Variants in TNRC6A observed in about 807,000 individuals in gnomAD.
TNRC6A encodes the protein trinucleotide repeat containing adaptor 6A.
Under a neutral mutation model 221.2 loss-of-function variants are expected in TNRC6A, and 44 were observed. The observed-to-expected ratio is 0.20, with a 90% CI of 0.16 to 0.26. The LOEUF is 0.26. Ranked by LOEUF, TNRC6A falls within the 10% of genes least tolerant of loss-of-function variation. The probability of loss-of-function intolerance (pLI) is 1.00; values close to 1 mark genes in which losing one functional copy is unlikely to be tolerated. For missense variants in TNRC6A, 2,199 were observed against 2,404.4 expected (o/e 0.91, Z 1.79); for synonymous variants, 847 against 838.5 (o/e 1.01, Z -0.18).
At chr16:24,713,791 T>G (rs2056257246) in intron 2 of TNRC6A, among the ~76,000 whole-genome samples, 1 of 152,004 alleles carries the variant, frequency 6.6e-6, no homozygotes, top group Admixed American at 6.6e-5. Flanking sequence ...GGACTACAGG[T>G]GTGTGCTACA....
chr16:24,710,406 A>C lies in TNRC6A; in HGVS notation n.403-40320A>C, dbSNP rs566290072. On this transcript the variant is annotated intron_variant and non_coding_transcript_variant, in intron 2 of 2. Coordinates refer to the TNRC6A transcript ENST00000566108. Reference sequence around the variant, plus strand: ...GAGGATCACTGGAGCCCAGGAGTTCAAGACCAGCCTGGGCAACATAGAAAG... The same window carrying C: ...GAGGATCACTGGAGCCCAGGAGTTCCAGACCAGCCTGGGCAACATAGAAAG... Among the ~76,000 whole-genome samples the C allele has an allele frequency of 9.2e-5, 14 of 151,872 alleles. No individual in the cohort carries two copies. In the East Asian group the frequency reaches 2.1e-3, roughly 23 times the overall value.
In TNRC6A at chr16:24,758,342, A is replaced by G. The variant is rs781427692; in HGVS notation, c.145A>G (p.Thr49Ala). The part of the protein sequence containing the change: ...KKKEAAQKKA[T>A]EQKIKVPEQI... The stretch of plus-strand genomic sequence containing the variant: ...TGTTTGTTTGTTTTTATTTTAGGCC[A>G]CTGAACAAAAAATCAAAGGTACGTT... Residue 49 changes from threonine to alanine, a missense_variant, in exon 4 of 25, where the codon ACT becomes GCT. Transcript: ENST00000395799. 9.3e-6 allele frequency: 15 copies of G among 1,609,540 alleles called. No individual in the cohort carries two copies. Among genetic ancestry groups the G allele is most frequent in the Non-Finnish European group, 1.2e-5 (14 of 1,176,590 alleles).
intron 2 of TNRC6A, among the ~76,000 whole-genome samples, chr16:24,660,817 C>T (rs1328509717): frequency 1.4e-5 from 2 of 142,934 alleles, no homozygotes; most frequent in African/African-American, 2.6e-5. Flanking sequence ...TCTCGGCTCA[C>T]TGCAAGCTCC....
At position 24,668,967 on chromosome 16, in the gene TNRC6A, T is replaced by C. The variant is rs1256485764; in HGVS notation, n.402+27958T>C. Among the ~76,000 whole-genome samples, 3 of 152,192 alleles carry C rather than the reference T, an allele frequency of 2.0e-5. No individual in the cohort carries two copies. In the East Asian group the frequency reaches 5.8e-4, roughly 29 times the overall value. Reference sequence around the variant, plus strand: ...GAATGCGACGACACAATTAGTCTCGTTGTTTTTATTTTTATGGGTTTTTTT... The same window carrying C: ...GAATGCGACGACACAATTAGTCTCGCTGTTTTTATTTTTATGGGTTTTTTT... On this transcript the variant is annotated intron_variant and non_coding_transcript_variant, in intron 2 of 2. Coordinates refer to the TNRC6A transcript ENST00000566108.
At chr16:24,760,144 T>C (rs1435468681) in intron 4 of TNRC6A, among the ~76,000 whole-genome samples, 1 of 152,132 alleles carries the variant, frequency 6.6e-6, no homozygotes, top group Admixed American at 6.5e-5. Flanking sequence ...TCTTGTTTCT[T>C]TTTTATTCAA....
chr16:24,823,720 C>T lies in TNRC6A; in HGVS notation c.5802C>T (p.Ser1934=). The part of the protein sequence containing the change: ...YSTSLWGPPS[S]SDPRGISSPS... The stretch of plus-strand genomic sequence containing the variant: ...CAAGCCTGTGGGGTCCCCCAAGCAG[C>T]AGCGACCCCCGAGGAATTAGCAGCC... The change falls in exon 25 of 25, where the codon AGC becomes AGT. Residue 1934 remains serine, a synonymous_variant. Transcript: ENST00000395799. The surrounding 1 kb of genome is among the most constrained non-coding windows in gnomAD (Gnocchi z 4.3). The T allele has an allele frequency of 6.4e-7, 1 of 1,552,194 alleles. No homozygotes were observed. Among genetic ancestry groups the T allele is most frequent in the Non-Finnish European group, 8.7e-7 (1 of 1,150,656 alleles).
At chr16:24,748,354 G>T (rs1292796998) in intron 2 of TNRC6A, among the ~76,000 whole-genome samples, 1 of 152,132 alleles carries the variant, frequency 6.6e-6, no homozygotes, top group Non-Finnish European at 1.5e-5. Context: ...GCTCTCATAT[G>T]CTGTGGCTTT....
rs762814456 is a variant in TNRC6A, at chr16:24,821,927, C to T, written c.5303-150C>T. 5.5e-5 allele frequency: 39 copies of T among 708,740 alleles called. No individual in the cohort carries two copies. The Admixed American group carries it at 7.8e-4, about 14-fold the overall frequency. The allele number at this position is 708,740 out of a possible 1,614,324, so 43.9% of individuals were successfully genotyped here. A position where few individuals can be genotyped will look rare whatever the true frequency, so the allele number is the denominator to read the frequency against. On this transcript the variant is annotated intron_variant, in intron 22 of 24. Transcript: ENST00000395799. ...AGTTAATGCCTGGCCATGGCTAGGG[C>T]GAGCTGAAATTCTGGGCCTAGGGAG...
In TNRC6A at chr16:24,793,549, C is replaced by A. The variant is rs2058155887; in HGVS notation, c.3252C>A (p.Pro1084=). The stretch of plus-strand genomic sequence containing the variant: ...ATGGTACTTCAGCATGGGGTAAGCC[C>A]ATAGACAGTGGTCCCAGCTGGGGGG... The part of the protein sequence containing the change: ...VDNGTSAWGK[P]IDSGPSWGEP... The change falls in exon 7 of 25, where the codon CCC becomes CCA. Residue 1084 remains proline, a synonymous_variant. Coordinates refer to ENST00000395799, the MANE Select transcript of TNRC6A (RefSeq NM_014494.4). 1.3e-6 allele frequency: 2 copies of A among 1,575,082 alleles called. No individual in the cohort carries two copies. Among genetic ancestry groups the A allele is most frequent in the Non-Finnish European group, 1.7e-6 (2 of 1,159,900 alleles).
chr16:24,809,615 A>G, intron 18 of TNRC6A, 134 bp downstream of exon 18: 1 of 1,166,240 alleles, frequency 8.6e-7, no homozygotes, highest in Non-Finnish European at 1.1e-6. Flanking sequence ...ATTTAAAAAA[A>G]GTTGTTATTA....
At chr16:24,821,016 G>A (rs2058755803) in intron 22 of TNRC6A, among the ~76,000 whole-genome samples, 1 of 152,164 alleles carries the variant, frequency 6.6e-6, no homozygotes, top group South Asian at 2.1e-4. Context: ...CTGAAAATGA[G>A]TAATAAAACC....
chr16:24,654,092 T>C (rs886967346), intron 2 of TNRC6A, among the ~76,000 whole-genome samples: 2 of 152,102 alleles, frequency 1.3e-5, no homozygotes, highest in African/African-American at 4.8e-5. Flanking sequence ...TTTGCAGAGA[T>C]GGGGTCTCAA....
At chr16:24,771,559 GTT>G (rs10534533) in intron 4 of TNRC6A, among the ~76,000 whole-genome samples, 642 of 36,610 alleles carry the variant, frequency 0.018, 6 homozygotes, top group Middle Eastern at 0.041. Flanking sequence ...GTTATGTTAT[GTT>G]TTATGTTATG....
intron 2 of TNRC6A, among the ~76,000 whole-genome samples, chr16:24,664,667 TTTA>T (rs200953454): frequency 0.026 from 3,743 of 142,300 alleles, 125 homozygotes; most frequent in East Asian, 0.13. Flanking sequence ...AAATTTATTA[TTTA>T]TTATTTATTA....
chr16:24,620,722 CA>C (rs1401421023), intron 1 of TNRC6A, among the ~76,000 whole-genome samples: 9 of 152,028 alleles, frequency 5.9e-5, no homozygotes, highest in Non-Finnish European at 1.3e-4. Context: ...ACAGGATAAT[CA>C]CTTGAACCGG....
chr16:24,793,409 C>T (rs2058152141), intron 6 of TNRC6A, 64 bp from the exon 7 acceptor site: 1 of 1,261,990 alleles, frequency 7.9e-7, no homozygotes, highest in Admixed American at 3.0e-5. Flanking sequence ...TCTTTATTGT[C>T]CCTTATTCCA....
At chr16:24,758,177 T>C (rs2057290894) in intron 3 of TNRC6A, among the ~76,000 whole-genome samples, 162 bp from the exon 4 acceptor site, 1 of 152,218 alleles carries the variant, frequency 6.6e-6, no homozygotes, top group African/African-American at 2.4e-5. Context: ...AAAAGCATGC[T>C]TTCCTTGCAT....
chr16:24,792,169 A>G (rs1389888072), intron 6 of TNRC6A, among the ~76,000 whole-genome samples: 1 of 152,212 alleles, frequency 6.6e-6, no homozygotes, highest in Non-Finnish European at 1.5e-5. Flanking sequence ...CAAGTATCTC[A>G]TAAATACAGT....
At position 24,805,751 on chromosome 16, in the gene TNRC6A, C is replaced by T; in HGVS notation, c.4251+18C>T. The T allele has an allele frequency of 6.2e-7, 1 of 1,614,084 alleles. No homozygotes were observed. The highest frequency in any genetic ancestry group is 8.5e-7 in the Non-Finnish European group (1 of 1,179,962). On this transcript the variant is annotated intron_variant, in intron 15 of 24. Transcript: ENST00000395799. Reference sequence around the variant, plus strand: ...AGTTACAGGTAAGCAGAGTCATAGTCTTTCTTAGTACACATTTATGGAGCA... The same window carrying T: ...AGTTACAGGTAAGCAGAGTCATAGTTTTTCTTAGTACACATTTATGGAGCA...
Sources: gnomAD v4.1 joint callset for allele counts (sites outside exome capture counted in the v4.1 genomes callset) on GRCh38, gnomAD v4.1.1 for gene constraint, Gnocchi (gnomAD v3.1) non-coding constraint, MANE v1.5 for transcripts, NCBI Gene and HGNC (gene_info 2026-07-23, HGNC 2026-07-21) for gene names.